Variants in FSTL5 observed in about 807,000 individuals in gnomAD.
FSTL5 encodes the protein follistatin-related protein 5.
FSTL5 carries 62 observed loss-of-function variants against 89.1 expected under a neutral mutation model. The observed-to-expected ratio is 0.70, with a 90% confidence interval of 0.57 to 0.86. FSTL5 has a LOEUF of 0.86. FSTL5 is among the 40% of genes least tolerant of loss of function. The pLI, the probability that FSTL5 is intolerant of heterozygous loss-of-function variation, is 0.00. For synonymous variants in FSTL5, 383 were observed against 346.2 expected (o/e 1.11, Z -1.18); for missense variants, 1,057 against 1,001.6 (o/e 1.06, Z -0.75).
intron 3 of FSTL5, among the ~76,000 whole-genome samples, chr4:162,002,121 T>C (rs1384942396): frequency 1.3e-5 from 2 of 152,196 alleles, no homozygotes; most frequent in Non-Finnish European, 2.9e-5. Context: ...AAATATGGAC[T>C]CTACTATAAA....
chr4:161,546,316 A>G (rs1435440542), intron 8 of FSTL5, among the ~76,000 whole-genome samples: 2 of 149,198 alleles, frequency 1.3e-5, no homozygotes, highest in Admixed American at 6.7e-5. Context: ...ATACACATAT[A>G]TAAAACTGAA....
chr4:161,864,546 G>T (rs1310286306), intron 4 of FSTL5, among the ~76,000 whole-genome samples: 4 of 152,140 alleles, frequency 2.6e-5, no homozygotes, highest in Non-Finnish European at 5.9e-5. Flanking sequence ...AAGTTGGGAA[G>T]CTGGTGCAAT....
At chr4:161,530,975 A>G (rs539274705) in intron 10 of FSTL5, among the ~76,000 whole-genome samples, 1 of 152,218 alleles carries the variant, frequency 6.6e-6, no homozygotes, top group Non-Finnish European at 1.5e-5. Context: ...CCCTTCACAT[A>G]ATTTATATCT....
intron 3 of FSTL5, among the ~76,000 whole-genome samples, chr4:161,955,789 G>C (rs1255267260): frequency 1.3e-5 from 2 of 151,796 alleles, no homozygotes; most frequent in South Asian, 4.1e-4. Context: ...ATGACCATGT[G>C]ACATGGGTTT....
intron 6 of FSTL5, among the ~76,000 whole-genome samples, chr4:161,685,975 G>A (rs761301306): frequency 1.3e-5 from 2 of 151,970 alleles, no homozygotes; most frequent in Non-Finnish European, 2.9e-5. Context: ...AGAAACGCTG[G>A]ATTTTGTCAA....
At chr4:162,028,737 C>T (rs947535707) in intron 3 of FSTL5, among the ~76,000 whole-genome samples, 19 of 152,114 alleles carry the variant, frequency 1.2e-4, no homozygotes, top group African/African-American at 4.6e-4. Flanking sequence ...TGGAGAGTCT[C>T]ATATAGGGCT....
Position 161,846,535 on chromosome 4 carries a change from A to G in FSTL5, c.410-70461T>C, listed in dbSNP as rs1024910753. ...ATATGTTTACATGAGAAAATACTAT[A>G]TGAATAGTAACTTACTCCATAAATT... On this transcript the variant is annotated intron_variant, in intron 4 of 15. Coordinates refer to ENST00000306100, the MANE Select transcript of FSTL5 (RefSeq NM_020116.5). Among the ~76,000 whole-genome samples the G allele has an allele frequency of 4.6e-5, 7 of 152,178 alleles. 1 individual carries two copies. The highest frequency in any genetic ancestry group is 2.1e-4 in the South Asian group (1 of 4,832).
intron 4 of FSTL5, among the ~76,000 whole-genome samples, chr4:161,882,531 AT>A (rs1560897724): frequency 6.6e-6 from 1 of 152,132 alleles, no homozygotes; most frequent in Non-Finnish European, 1.5e-5. Context: ...TTCTAATGGT[AT>A]TATTTTTTAA....
intron 6 of FSTL5, among the ~76,000 whole-genome samples, chr4:161,722,211 G>C (rs968429680): frequency 6.6e-6 from 1 of 151,994 alleles, no homozygotes; most frequent in African/African-American, 2.4e-5. Flanking sequence ...CACAGCTGGG[G>C]AATTAAATGC....
In FSTL5 at chr4:162,041,502, T is replaced by C. The variant is rs1460185280; in HGVS notation, c.127-7844A>G. ...ATGAATATATATATATATAACACAA[T>C]CTGGAAAAGTTATAGAGTGTCAGTC... On this transcript the variant is annotated intron_variant, in intron 2 of 15. Coordinates refer to ENST00000306100, the MANE Select transcript of FSTL5 (RefSeq NM_020116.5). Among the ~76,000 whole-genome samples the C allele has an allele frequency of 2.6e-5, 4 of 152,116 alleles. No individual in the cohort carries two copies. The East Asian group carries it at 7.7e-4, about 29-fold the overall frequency.
chr4:161,471,209 T>G (rs1733925186), intron 13 of FSTL5, among the ~76,000 whole-genome samples: 1 of 152,252 alleles, frequency 6.6e-6, no homozygotes, highest in Non-Finnish European at 1.5e-5. Context: ...ACATGGGTTT[T>G]ATATGTTGCC....
intron 15 of FSTL5, among the ~76,000 whole-genome samples, chr4:161,417,020 T>C (rs1263560487): frequency 6.6e-6 from 1 of 152,146 alleles, no homozygotes; most frequent in Non-Finnish European, 1.5e-5. Context: ...ATTAAAAGTG[T>C]CTTGGGTTTT....
chr4:161,538,845 C>T (rs1346653652), intron 9 of FSTL5, among the ~76,000 whole-genome samples: 1 of 152,042 alleles, frequency 6.6e-6, no homozygotes, highest in Non-Finnish European at 1.5e-5. Flanking sequence ...CTCACTGTAA[C>T]CTCCGCCTCC....
At chr4:161,646,849 A>AT (rs971744422) in intron 7 of FSTL5, among the ~76,000 whole-genome samples, 21 of 152,144 alleles carry the variant, frequency 1.4e-4, no homozygotes, top group African/African-American at 5.1e-4. Context: ...TATTATTACT[A>AT]TTTTTATTTG....
intron 4 of FSTL5, among the ~76,000 whole-genome samples, chr4:161,912,045 C>T (rs1473313860): frequency 6.6e-6 from 1 of 152,048 alleles, no homozygotes; most frequent in East Asian, 1.9e-4. Flanking sequence ...ATAAATCAGA[C>T]TAATAGAGAA....
intron 6 of FSTL5, among the ~76,000 whole-genome samples, chr4:161,754,053 A>AAAAAG (rs1383926428): frequency 1.3e-5 from 2 of 150,510 alleles, no homozygotes; most frequent in East Asian, 3.9e-4. Flanking sequence ...ATTAAAAAAA[A>AAAAAG]AAAAAAAAAA....
At chr4:161,534,759 A>G (rs1731535666) in intron 10 of FSTL5, among the ~76,000 whole-genome samples, 1 of 152,064 alleles carries the variant, frequency 6.6e-6, no homozygotes, top group Non-Finnish European at 1.5e-5. Context: ...AGAGAGTATG[A>G]GTAGCCAAAG....
chr4:161,912,410 G>A (rs1314042512), intron 4 of FSTL5, among the ~76,000 whole-genome samples: 3 of 152,066 alleles, frequency 2.0e-5, no homozygotes, highest in African/African-American at 7.2e-5. Flanking sequence ...TGAATCATGG[G>A]GGCCAGTCTT....
intron 15 of FSTL5, among the ~76,000 whole-genome samples, chr4:161,411,954 G>C (rs1436539193): frequency 1.3e-5 from 2 of 152,228 alleles, no homozygotes; most frequent in South Asian, 2.1e-4. Flanking sequence ...TAGTATCTCT[G>C]CTAAAAGGCT....
Sources: gnomAD v4.1 joint callset for allele counts (sites outside exome capture counted in the v4.1 genomes callset) on GRCh38, gnomAD v4.1.1 for gene constraint, MANE v1.5 for transcripts, NCBI Gene and HGNC (gene_info 2026-07-23, HGNC 2026-07-21) for gene names.